ADAMTS20: variants seen among roughly 807,000 people sequenced by gnomAD.
The protein encoded by ADAMTS20 is A disintegrin and metalloproteinase with thrombospondin motifs 20.
Under a neutral mutation model 260.1 loss-of-function variants are expected in ADAMTS20, and 225 were observed. The observed-to-expected ratio is 0.87, with a 90% CI of 0.78 to 0.97. The LOEUF is 0.97. Among genes scored for constraint, ADAMTS20 ranks in the 50% least tolerant of loss-of-function variants. ADAMTS20 has a pLI of 0.00. For missense variants in ADAMTS20, 2,400 were observed against 2,337.7 expected, an observed-to-expected ratio of 1.03 and a Z score of -0.55; for synonymous variants, 802 against 769.5, an observed-to-expected ratio of 1.04 and a Z score of -0.70.
In ADAMTS20 at chr12:43,427,433, C is replaced by G. The variant is rs941854141; in HGVS notation, c.3982G>C (p.Ala1328Pro). The change falls in exon 27 of 39, where the codon GCT becomes CCT. Residue 1328 changes from alanine to proline, a missense_variant. Ala to Pro is a conservative substitution (Grantham distance 27). Transcript: ENST00000389420. ...CCATTTTCATCCTGGCAGACCACAG[C>G]CCTATGCTGAAGACCTCCAGAACAA... ...SSCSGGLQHR[A>P]VVCQDENGQS... is the part of the protein sequence containing the mutation. 3.1e-6 allele frequency: 5 copies of G among 1,613,668 alleles called. No individual in the cohort carries two copies. The highest frequency in any genetic ancestry group is 2.2e-5 in the South Asian group (2 of 91,048).
rs1941116620 is a variant in ADAMTS20 at position 43,415,660 on chromosome 12, T to A, written c.4284+9854A>T. On this transcript the variant is annotated intron_variant, in intron 28 of 38. Coordinates refer to ENST00000389420, the MANE Select transcript of ADAMTS20 (RefSeq NM_025003.5). ...TAAGAAAATGAAATGTTAGAAATGCTAAGTAACTTGGCAAAGGTCACTGAA... is the reference window on the plus strand; with the variant it reads ...TAAGAAAATGAAATGTTAGAAATGCAAAGTAACTTGGCAAAGGTCACTGAA... 2.6e-5 allele frequency among the ~76,000 whole-genome samples: 4 copies of A among 152,332 alleles called. No individual in the cohort carries two copies. In the South Asian group the frequency reaches 8.3e-4, roughly 32 times the overall value.
chr12:43,541,531 A>T (rs1036340049), intron 2 of ADAMTS20, among the ~76,000 whole-genome samples: 7 of 152,214 alleles, frequency 4.6e-5, no homozygotes, highest in African/African-American at 1.7e-4. Context: ...TATAAATGTT[A>T]TATAATCGAA....
intron 15 of ADAMTS20, 92 bp from the exon 16 acceptor site, chr12:43,443,975 A>T: frequency 1.1e-6 from 1 of 936,874 alleles, no homozygotes; most frequent in Admixed American, 1.9e-5. Flanking sequence ...CGAATAGCAT[A>T]GTCAGACTTA....
intron 7 of ADAMTS20, among the ~76,000 whole-genome samples, chr12:43,488,837 T>C (rs1942560358): frequency 6.6e-6 from 1 of 152,126 alleles, no homozygotes; most frequent in Non-Finnish European, 1.5e-5. Context: ...CTATGAAATC[T>C]CCAATAATTG....
intron 3 of ADAMTS20, among the ~76,000 whole-genome samples, chr12:43,523,861 C>T (rs1943104873): frequency 8.7e-6 from 1 of 114,896 alleles, no homozygotes; most frequent in Admixed American, 8.3e-5. Flanking sequence ...CATGCCCCAG[C>T]ACCCCCCTCC....
intron 28 of ADAMTS20, among the ~76,000 whole-genome samples, chr12:43,418,036 T>A (rs1941164169): frequency 6.6e-6 from 1 of 152,208 alleles, no homozygotes. Context: ...TATGTTTTAG[T>A]TTTAAGCACA....
chr12:43,528,716 C>A (rs1450491877), intron 3 of ADAMTS20, among the ~76,000 whole-genome samples: 2 of 151,958 alleles, frequency 1.3e-5, no homozygotes, highest in Non-Finnish European at 2.9e-5. Context: ...AGAAGAAACC[C>A]TAGGGAAAAC....
chr12:43,356,534 T>G lies in ADAMTS20; in HGVS notation c.5593A>C (p.Lys1865Gln). 6.2e-7 allele frequency: 1 copy of G among 1,612,116 alleles called. No individual in the cohort carries two copies. Among genetic ancestry groups the G allele is most frequent in the South Asian group, 1.1e-5 (1 of 90,494 alleles). ...GTGMKISSTAKWLTQGSYTSV... is the reference protein window; with the variant it reads ...GTGMKISSTAQWLTQGSYTSV... ...GTATAACTCCCCTGAGTGAGCCACT[T>G]TGCTGTGCTGGATATCTTCATCCCA... The change falls in exon 38 of 39, where the codon AAG becomes CAG. Residue 1865 changes from lysine (K) to glutamine (Q), a missense_variant. By Grantham distance (53) the Lys-to-Gln change is moderately conservative. Coordinates refer to ENST00000389420, the MANE Select transcript of ADAMTS20 (RefSeq NM_025003.5).
chr12:43,380,574 A>C (rs1940327974), intron 31 of ADAMTS20, among the ~76,000 whole-genome samples: 1 of 152,136 alleles, frequency 6.6e-6, no homozygotes, highest in African/African-American at 2.4e-5. Flanking sequence ...TCCCCCAAAA[A>C]ATTTTCAATA....
At chr12:43,484,643 A>T (rs28819819) in intron 7 of ADAMTS20, among the ~76,000 whole-genome samples, 1 of 152,142 alleles carries the variant, frequency 6.6e-6, no homozygotes, top group African/African-American at 2.4e-5. Context: ...CAATTTTTTT[A>T]AAAAAGAATG....
chr12:43,474,545 A>T (rs1297325680), intron 7 of ADAMTS20, among the ~76,000 whole-genome samples: 32 of 108,164 alleles, frequency 3.0e-4, no homozygotes, highest in African/African-American at 1.1e-3. Context: ...AAAAAAGAGA[A>T]TTTTAGACCA....
chr12:43,404,336 A>G (rs1047389364), intron 28 of ADAMTS20, among the ~76,000 whole-genome samples: 15 of 152,148 alleles, frequency 9.9e-5, no homozygotes, highest in Non-Finnish European at 1.9e-4. Flanking sequence ...TCTTGCATCA[A>G]CTTACTGACC....
At chr12:43,367,872 T>C (rs1387987183) in intron 37 of ADAMTS20, among the ~76,000 whole-genome samples, 1 of 151,942 alleles carries the variant, frequency 6.6e-6, no homozygotes. Flanking sequence ...AGGCAAAAAT[T>C]GATTATTTAT....
chr12:43,460,590 G>A (rs567321791), intron 11 of ADAMTS20, among the ~76,000 whole-genome samples: 1 of 152,048 alleles, frequency 6.6e-6, no homozygotes, highest in Non-Finnish European at 1.5e-5. Context: ...TCTACACCAA[G>A]AGAAACACAA....
chr12:43,355,942 CTAGA>C (rs1462637501), intron 38 of ADAMTS20, among the ~76,000 whole-genome samples: 1 of 151,866 alleles, frequency 6.6e-6, no homozygotes, highest in African/African-American at 2.4e-5. Context: ...ACAATGTTAT[CTAGA>C]TAAAGATAGG....
At chr12:43,405,229 C>CAAAAAAAA (rs869040570) in intron 28 of ADAMTS20, among the ~76,000 whole-genome samples, 13 of 52,770 alleles carry the variant, frequency 2.5e-4, no homozygotes, top group Admixed American at 5.7e-4. Context: ...CTCATCTCTA[C>CAAAAAAAA]AAAAAAAAAA....
At chr12:43,363,780 C>A (rs1313347941) in intron 37 of ADAMTS20, among the ~76,000 whole-genome samples, 1 of 152,108 alleles carries the variant, frequency 6.6e-6, no homozygotes, top group Non-Finnish European at 1.5e-5. Context: ...TGAAGTTTAA[C>A]AGAGAGAATC....
chr12:43,448,882 A>G (rs1286723451), intron 14 of ADAMTS20, among the ~76,000 whole-genome samples: 1 of 152,218 alleles, frequency 6.6e-6, no homozygotes, highest in Non-Finnish European at 1.5e-5. Flanking sequence ...AAGCCTACAA[A>G]AAAAGCGCAA....
intron 28 of ADAMTS20, among the ~76,000 whole-genome samples, chr12:43,403,573 G>T (rs1940854615): frequency 1.3e-5 from 2 of 151,958 alleles, no homozygotes; most frequent in Non-Finnish European, 2.9e-5. Context: ...TACAAGCTGG[G>T]TAACTATAAA....
Sources: gnomAD v4.1 joint callset for allele counts (sites outside exome capture counted in the v4.1 genomes callset) on GRCh38, gnomAD v4.1.1 for gene constraint, MANE v1.5 for transcripts, NCBI Gene and HGNC (gene_info 2026-07-23, HGNC 2026-07-21) for gene names.